Variants in CPLX2 observed in about 807,000 individuals in gnomAD.
CPLX2 encodes the protein complexin 2.
CPLX2 carries 5 observed loss-of-function variants against 16.3 expected under a neutral mutation model. That is an observed-to-expected ratio of 0.31 (90% CI 0.16 to 0.64). The LOEUF is 0.64. CPLX2 is among the 30% of genes least tolerant of loss of function. The pLI is 0.79. For synonymous variants in CPLX2, 89 were observed against 73.2 expected (o/e 1.22, Z -1.10); for missense variants, 144 against 181.4 (o/e 0.79, Z 1.18).
At chr5:175,836,564 T>C (rs980821528) in intron 2 of CPLX2, among the ~76,000 whole-genome samples, 2 of 152,052 alleles carry the variant, frequency 1.3e-5, no homozygotes, top group African/African-American at 4.8e-5. Context: ...TGGCGAGATG[T>C]TGCTATTCTC....
upstream of CPLX2, chr5:175,871,505 A>AAGGGG (rs1475916949): frequency 2.4e-5 from 2 of 83,620 alleles, no homozygotes; most frequent in African/African-American, 9.2e-5. Flanking sequence ...TCCCATCTGG[A>AAGGGG]AGGGGAGCGG....
At chr5:175,822,946 A>G (rs1161103108) in intron 2 of CPLX2, among the ~76,000 whole-genome samples, 1 of 152,250 alleles carries the variant, frequency 6.6e-6, no homozygotes, top group African/African-American at 2.4e-5. Context: ...AGAAGGGGAA[A>G]TGGCTGTTAC....
chr5:175,865,621 T>C (rs550215778), intron 2 of CPLX2, among the ~76,000 whole-genome samples: 1 of 152,320 alleles, frequency 6.6e-6, no homozygotes, highest in South Asian at 2.1e-4. Context: ...ATGTGTGTAA[T>C]TGGTTGATCT....
Position 175,882,063 on chromosome 5 carries a change from C to A in CPLX2, c.*2018C>A, listed in dbSNP as rs909914154. ...AGAAAAGTCCCCTGGTCTGTCCCTT[C>A]TTTGGGGAGCAGGGCCTCGACAGCT... is the stretch of plus-strand genomic sequence containing the variant. On this transcript the variant is annotated 3_prime_UTR_variant, in exon 4 of 4. Transcript: ENST00000393745. 6.6e-6 allele frequency: 1 copy of A among 152,666 alleles called. No individual in the cohort carries two copies. The highest frequency in any genetic ancestry group is 1.5e-5 in the Non-Finnish European group (1 of 68,042). The allele number at this position is 152,666 out of a possible 1,614,324, so 9.5% of individuals were successfully genotyped here. A position where few individuals can be genotyped will look rare whatever the true frequency, so the allele number is the denominator to read the frequency against.
chr5:175,871,445 G>GAGAA (rs1561790395), upstream of CPLX2: 9 of 101,614 alleles, frequency 8.9e-5, no homozygotes, highest in African/African-American at 3.1e-4. Flanking sequence ...GAGAGAGAGA[G>GAGAA]AGAGAGAGAG....
At chr5:175,868,482 G>C (rs759614744), upstream of CPLX2, among the ~76,000 whole-genome samples, 3 of 152,158 alleles carry the variant, frequency 2.0e-5, no homozygotes, top group African/African-American at 7.2e-5. Flanking sequence ...AAATAAAAGT[G>C]GAAATTCAGC....
chr5:175,842,554 C>A (rs965112347), intron 2 of CPLX2, among the ~76,000 whole-genome samples: 1 of 152,216 alleles, frequency 6.6e-6, no homozygotes, highest in Admixed American at 6.5e-5. Flanking sequence ...CACATGGTAC[C>A]GTGGTGACCC....
At chr5:175,855,326 G>T (rs1437564923) in intron 2 of CPLX2, among the ~76,000 whole-genome samples, 2 of 152,204 alleles carry the variant, frequency 1.3e-5, no homozygotes, top group Non-Finnish European at 2.9e-5. Flanking sequence ...TTTAGCCCTA[G>T]TTCCTTCATC....
intron 2 of CPLX2, among the ~76,000 whole-genome samples, chr5:175,817,733 G>A (rs191058693): frequency 3.3e-5 from 5 of 152,280 alleles, no homozygotes; most frequent in East Asian, 3.9e-4. Flanking sequence ...GGAGTTGTGC[G>A]GGGGAACTGA....
chr5:175,879,119 C>T (rs2113716622), intron 3 of CPLX2, 36 bp downstream of exon 3: 1 of 1,539,428 alleles, frequency 6.5e-7, no homozygotes, highest in African/African-American at 1.4e-5. Flanking sequence ...TGGGGAGGGC[C>T]ACAAGCGGGT....
At chr5:175,822,972 A>G (rs1758540203) in intron 2 of CPLX2, among the ~76,000 whole-genome samples, 2 of 152,252 alleles carry the variant, frequency 1.3e-5, no homozygotes, top group South Asian at 4.1e-4. Flanking sequence ...AAGCTCCTTG[A>G]GCAACGGAGA....
chr5:175,803,699 T>G (rs1758141618), intron 1 of CPLX2, among the ~76,000 whole-genome samples: 1 of 152,184 alleles, frequency 6.6e-6, no homozygotes, highest in Admixed American at 6.5e-5. Flanking sequence ...AGGGGTGGCG[T>G]GATCTAAATT....
intron 2 of CPLX2, among the ~76,000 whole-genome samples, chr5:175,857,312 C>T (rs1469666214): frequency 6.6e-6 from 1 of 152,236 alleles, no homozygotes; most frequent in East Asian, 1.9e-4. Flanking sequence ...CATACTGGGA[C>T]ATCCCTGTCC....
chr5:175,878,936 G>T lies in CPLX2; in HGVS notation c.60G>T (p.Leu20=). The change falls in exon 3 of 4, where the codon CTG becomes CTT. Residue 20 remains leucine (L), a synonymous_variant. Transcript: ENST00000393745. The part of the protein sequence containing the change: ...GGATKDMGKM[L]GGEEEKDPDA... ...CCACAAAGGACATGGGGAAGATGCT[G>T]GGGGGAGAGGAGGAGAAGGACCCCG... 1.2e-6 allele frequency: 2 copies of T among 1,612,472 alleles called. No individual in the cohort carries two copies. Among genetic ancestry groups the T allele is most frequent in the South Asian group, 2.2e-5 (2 of 90,642 alleles).
intron 1 of CPLX2, among the ~76,000 whole-genome samples, chr5:175,803,247 G>A (rs1203387890): frequency 6.6e-6 from 1 of 152,180 alleles, no homozygotes; most frequent in African/African-American, 2.4e-5. Context: ...TACCCACTGG[G>A]CAGCTGTATG....
At chr5:175,878,792 C>T in intron 2 of CPLX2, 22 bp downstream of exon 2, 1 of 1,612,498 alleles carries the variant, frequency 6.2e-7, no homozygotes. Context: ...CGCCCCTCCG[C>T]GTGTCCTCAG....
chr5:175,832,580 A>G (rs980228849), intron 2 of CPLX2, among the ~76,000 whole-genome samples: 2 of 152,220 alleles, frequency 1.3e-5, no homozygotes, highest in African/African-American at 4.8e-5. Context: ...AATGCCAGAC[A>G]AGCTTGGGGA....
rs116687379 is a variant in CPLX2, at chr5:175,826,100, C to T, written c.-89+17032C>T. Among the ~76,000 whole-genome samples the T allele has an allele frequency of 9.8e-3, 1,482 of 151,958 alleles. 14 individuals are homozygous for T. Among genetic ancestry groups the T allele is most frequent in the South Asian group, 0.034 (162 of 4,810 alleles). On this transcript the variant is annotated intron_variant, in intron 2 of 4. Transcript: ENST00000359546. ...CAGACAGGGTGGGAGCACTGACTAGCGGCACCACGAGGTTAGAGGGCTGCG... is the reference window on the plus strand; with the variant it reads ...CAGACAGGGTGGGAGCACTGACTAGTGGCACCACGAGGTTAGAGGGCTGCG...
At chr5:175,878,024 T>C (rs1386079578) in intron 1 of CPLX2, among the ~76,000 whole-genome samples, 1 of 152,214 alleles carries the variant, frequency 6.6e-6, no homozygotes, top group Non-Finnish European at 1.5e-5. Context: ...CTATAAAACA[T>C]AAAAATTACA....
Sources: allele counts gnomAD v4.1 joint callset (sites outside exome capture counted in the v4.1 genomes callset), GRCh38; gene constraint gnomAD v4.1.1; transcripts MANE v1.5; gene names NCBI Gene and HGNC (gene_info 2026-07-23, HGNC 2026-07-21).